The following XPO4 variants were observed in gnomAD, a reference collection of about 807,000 sequenced individuals.
XPO4 encodes exportin 4, also known as exportin-4.
Under a neutral mutation model 143.0 loss-of-function variants are expected in XPO4, and 39 were observed. That is an observed-to-expected ratio of 0.27 (90% confidence interval 0.21 to 0.36). The LOEUF (loss-of-function observed/expected upper bound fraction) is 0.36, where lower values mean the gene tolerates loss of function less well. XPO4 is among the 10% of genes least tolerant of loss of function. The pLI is 1.00. For synonymous variants in XPO4, 439 were observed against 474.0 expected (o/e 0.93, Z 0.96); for missense variants, 907 against 1,348.0 (o/e 0.67, Z 5.12).
chr13:20,899,168 T>C (rs1253887108), intron 1 of XPO4, among the ~76,000 whole-genome samples: 1 of 152,150 alleles, frequency 6.6e-6, no homozygotes, highest in Non-Finnish European at 1.5e-5. Context: ...AGGCGGTTCC[T>C]GGAACTAACC....
intron 1 of XPO4, among the ~76,000 whole-genome samples, chr13:20,892,491 C>T (rs750034272): frequency 1.3e-5 from 2 of 152,132 alleles, no homozygotes; most frequent in Non-Finnish European, 2.9e-5. Flanking sequence ...CTCCCTTCCT[C>T]GTTTATTCAT....
At chr13:20,869,580 T>G in intron 1 of XPO4, 1 of 821,516 alleles carries the variant, frequency 1.2e-6, no homozygotes, top group Non-Finnish European at 1.5e-6. Context: ...AATGTTACAA[T>G]CAATTATATT....
intron 2 of XPO4, chr13:20,866,413 A>G (rs1857809671): frequency 1.0e-6 from 1 of 974,532 alleles, no homozygotes; most frequent in African/African-American, 1.8e-5. Context: ...TCTCCCCTTT[A>G]GTAGAATATA....
intron 13 of XPO4, among the ~76,000 whole-genome samples, chr13:20,805,649 A>G (rs2059494947): frequency 6.6e-6 from 1 of 152,184 alleles, no homozygotes; most frequent in Admixed American, 6.5e-5. Context: ...TACTCACTCT[A>G]GCTTTTTACC....
Position 20,809,803 on chromosome 13 carries a change from G to A in XPO4, c.1338C>T (p.Gly446=), listed in dbSNP as rs2059554471. The stretch of plus-strand genomic sequence containing the variant: ...GCTTAAAACTCACCAAATTTCTTGT[G>A]CCATCTGGAGCAGCTAGGTGGCACT... ...YIQCHLAAPD[G]TRNLTANGVA... Residue 446 remains glycine (G), a synonymous_variant, in exon 10 of 23, where the codon GGC becomes GGT. Coordinates refer to ENST00000255305, the MANE Select transcript of XPO4 (RefSeq NM_022459.5). 1.4e-5 allele frequency: 22 copies of A among 1,605,706 alleles called. No individual in the cohort carries two copies. The highest frequency in any genetic ancestry group is 1.8e-5 in the Non-Finnish European group (21 of 1,176,906).
chr13:20,829,537 G>A (rs559475052), intron 6 of XPO4, among the ~76,000 whole-genome samples: 27 of 152,112 alleles, frequency 1.8e-4, no homozygotes, highest in Non-Finnish European at 3.5e-4. Flanking sequence ...ATCCCTCAGA[G>A]TAAGAAGGCA....
At chr13:20,850,155 T>C (rs768601906) in intron 4 of XPO4, 1 of 985,142 alleles carries the variant, frequency 1.0e-6, no homozygotes, top group Non-Finnish European at 1.2e-6. Context: ...ATAAACATTT[T>C]CTTCTGCTTT....
At chr13:20,830,129 G>A (rs1163999213) in intron 6 of XPO4, among the ~76,000 whole-genome samples, 3 of 152,090 alleles carry the variant, frequency 2.0e-5, no homozygotes, top group African/African-American at 7.2e-5. Context: ...ATCATGGTCT[G>A]TTTTTCAGCA....
At chr13:20,866,082 T>C in intron 2 of XPO4, 3 of 985,424 alleles carry the variant, frequency 3.0e-6, no homozygotes, top group South Asian at 9.4e-5. Flanking sequence ...CAGTTCTTGA[T>C]TATTTCTTTA....
intron 6 of XPO4, among the ~76,000 whole-genome samples, chr13:20,839,753 T>TG (rs1351516523): frequency 6.6e-6 from 1 of 152,008 alleles, no homozygotes; most frequent in East Asian, 1.9e-4. Flanking sequence ...CAGGCCAAGG[T>TG]GGGTGGATCA....
chr13:20,848,343 C>T, intron 4 of XPO4: 1 of 985,418 alleles, frequency 1.0e-6, no homozygotes, highest in South Asian at 4.7e-5. Context: ...TCCAAGATTT[C>T]CTTCTTCAAA....
chr13:20,847,829 T>G (rs1430815666), intron 4 of XPO4, among the ~76,000 whole-genome samples: 1 of 152,202 alleles, frequency 6.6e-6, no homozygotes, highest in Non-Finnish European at 1.5e-5. Flanking sequence ...ATACAAATCT[T>G]AAGACTTCTA....
chr13:20,902,732 C>CCAT lies in XPO4; in HGVS notation c.4_6dup (p.Met2dup). The CCAT allele has an allele frequency of 6.4e-7, 1 of 1,554,650 alleles. No homozygotes were observed. The highest frequency in any genetic ancestry group is 1.9e-5 in the Admixed American group (1 of 53,134). ...ACTTCTGGGGGCCCCAGCGCCGCCG[C>CCAT]CATCATGGTCTCTCTTCAATGACGC... On this transcript the variant is annotated inframe_insertion, in exon 1 of 23. Transcript: ENST00000255305.
intron 19 of XPO4, among the ~76,000 whole-genome samples, chr13:20,789,782 A>ACATGTG (rs2059255476): frequency 6.6e-6 from 1 of 151,966 alleles, no homozygotes. Context: ...GCATGCATGC[A>ACATGTG]CATGTGCACA....
At chr13:20,851,378 C>T (rs193055890) in intron 4 of XPO4, 822 of 985,186 alleles carry the variant, frequency 8.3e-4, no homozygotes, top group Admixed American at 3.9e-3. Flanking sequence ...CTGAAGTATA[C>T]TGATTTCCTA....
At chr13:20,878,412 GA>G (rs1000575006) in intron 1 of XPO4, among the ~76,000 whole-genome samples, 16 of 148,836 alleles carry the variant, frequency 1.1e-4, no homozygotes, top group African/African-American at 5.0e-5. Flanking sequence ...CATTATAATA[GA>G]AAAAAAAAGA....
chr13:20,837,499 G>A (rs1213300202), intron 6 of XPO4, among the ~76,000 whole-genome samples: 2 of 151,956 alleles, frequency 1.3e-5, no homozygotes, highest in Admixed American at 6.6e-5. Context: ...TCTGACCGCC[G>A]GGTTCAAGCA....
intron 1 of XPO4, among the ~76,000 whole-genome samples, chr13:20,874,807 A>G (rs1185735349): frequency 6.6e-6 from 1 of 152,222 alleles, no homozygotes; most frequent in Non-Finnish European, 1.5e-5. Context: ...AGCCTGACCA[A>G]CATGGTGAAA....
intron 18 of XPO4, among the ~76,000 whole-genome samples, chr13:20,794,322 TAGAATAAGAATCCA>T (rs548032582): frequency 1.5e-4 from 22 of 148,048 alleles, no homozygotes; most frequent in Middle Eastern, 3.4e-3. Flanking sequence ...AGTGGGGGCA[TAGAATAAGAATCCA>T]AGAAAATGAT....
Sources: allele counts gnomAD v4.1 joint callset (sites outside exome capture counted in the v4.1 genomes callset), GRCh38; gene constraint gnomAD v4.1.1; transcripts MANE v1.5; gene names NCBI Gene and HGNC (gene_info 2026-07-23, HGNC 2026-07-21).